Variants in NTM observed in about 807,000 individuals in gnomAD.
NTM encodes the protein neurotrimin.
A neutral mutation model predicts 42.1 loss-of-function variants in NTM; 13 were observed. That is an observed-to-expected ratio of 0.31 (90% confidence interval 0.20 to 0.49). The LOEUF is 0.49. Ranked by LOEUF, NTM falls within the 20% of genes least tolerant of loss-of-function variation. NTM has a pLI of 0.99. For missense variants in NTM, 373 were observed against 452.8 expected, an observed-to-expected ratio of 0.82 and a Z score of 1.60; for synonymous variants, 187 against 179.2, an observed-to-expected ratio of 1.04 and a Z score of -0.35.
intron 4 of NTM, among the ~76,000 whole-genome samples, chr11:132,270,444 G>A (rs2093421742): frequency 6.6e-6 from 1 of 152,004 alleles, no homozygotes; most frequent in Non-Finnish European, 1.5e-5. Flanking sequence ...AGCCAGGCTG[G>A]TCTTGAACTC....
intron 1 of NTM, among the ~76,000 whole-genome samples, chr11:131,665,861 C>T (rs574089619): frequency 1.3e-5 from 2 of 152,182 alleles, no homozygotes; most frequent in South Asian, 2.1e-4. Context: ...CATGTTGATC[C>T]CCAGTTTCCT....
At chr11:131,581,699 C>T (rs771278000) in intron 1 of NTM, among the ~76,000 whole-genome samples, 1 of 152,158 alleles carries the variant, frequency 6.6e-6, no homozygotes, top group South Asian at 2.1e-4. Context: ...ACACAAGTGA[C>T]TCCGTTCTGG....
intron 1 of NTM, among the ~76,000 whole-genome samples, chr11:131,552,817 CAA>C (rs61457986): frequency 3.5e-5 from 5 of 142,150 alleles, no homozygotes; most frequent in African/African-American, 5.2e-5. Flanking sequence ...GACTCCGTCT[CAA>C]AAAAAAAAAA....
intron 4 of NTM, among the ~76,000 whole-genome samples, chr11:132,242,168 A>G (rs1025434154): frequency 1.3e-5 from 2 of 152,214 alleles, no homozygotes; most frequent in Admixed American, 6.5e-5. Context: ...CCTCAGATCA[A>G]CTAGTGGAGC....
intron 1 of NTM, among the ~76,000 whole-genome samples, chr11:131,419,986 T>C (rs1305351120): frequency 1.3e-5 from 2 of 152,132 alleles, no homozygotes. Flanking sequence ...CCTTTGGTTG[T>C]TGGGAGTCAG....
chr11:131,645,151 T>G (rs984715995), intron 1 of NTM, among the ~76,000 whole-genome samples: 1 of 152,158 alleles, frequency 6.6e-6, no homozygotes, highest in Non-Finnish European at 1.5e-5. Flanking sequence ...TCAATAATAT[T>G]ATTAACCATT....
At chr11:132,013,023 T>C (rs918133529) in intron 2 of NTM, among the ~76,000 whole-genome samples, 1 of 152,162 alleles carries the variant, frequency 6.6e-6, no homozygotes, top group African/African-American at 2.4e-5. Context: ...ATTGGAATTG[T>C]TCATGGAGCA....
At chr11:131,795,458 G>A (rs2091449164) in intron 1 of NTM, 13 of 985,394 alleles carry the variant, frequency 1.3e-5, no homozygotes, top group Non-Finnish European at 1.4e-5. Flanking sequence ...TTGATATGCA[G>A]CTTGTGGAAA....
intron 1 of NTM, among the ~76,000 whole-genome samples, chr11:131,401,558 A>G (rs1032186525): frequency 3.3e-5 from 5 of 151,636 alleles, no homozygotes; most frequent in Non-Finnish European, 5.9e-5. Flanking sequence ...AATTTCTGGA[A>G]TTCAGATGTC....
chr11:132,228,425 G>A (rs1268071892), intron 4 of NTM, among the ~76,000 whole-genome samples: 1 of 152,134 alleles, frequency 6.6e-6, no homozygotes, highest in Non-Finnish European at 1.5e-5. Flanking sequence ...TGGCTTCCAG[G>A]TGACTTCCTG....
intron 2 of NTM, among the ~76,000 whole-genome samples, chr11:132,076,033 T>C (rs527433913): frequency 5.5e-4 from 84 of 152,330 alleles, no homozygotes; most frequent in African/African-American, 1.9e-3. Flanking sequence ...ATAGTATTGA[T>C]TACTCCATAC....
At chr11:132,311,390 G>A (rs938280853) in intron 6 of NTM, among the ~76,000 whole-genome samples, 3 of 152,112 alleles carry the variant, frequency 2.0e-5, no homozygotes, top group Non-Finnish European at 2.9e-5. Flanking sequence ...AGCTTCTAGT[G>A]AGATGTATTA....
intron 3 of NTM, among the ~76,000 whole-genome samples, chr11:132,208,832 G>A (rs1592232804): frequency 6.6e-6 from 1 of 152,110 alleles, no homozygotes; most frequent in South Asian, 2.1e-4. Flanking sequence ...TTATTGCATG[G>A]CATTGGCGTG....
intron 1 of NTM, among the ~76,000 whole-genome samples, chr11:131,511,257 AG>A (rs2048200725): frequency 6.6e-6 from 1 of 152,204 alleles, no homozygotes; most frequent in Admixed American, 6.5e-5. Context: ...GCAGAGATTC[AG>A]GAGGAGCCAA....
intron 1 of NTM, among the ~76,000 whole-genome samples, chr11:131,583,671 C>T (rs2058611909): frequency 2.6e-5 from 4 of 152,126 alleles, no homozygotes; most frequent in Admixed American, 2.6e-4. Flanking sequence ...GATGGTGACT[C>T]AAAGGGAGAG....
rs185419601 is a variant in NTM, at chr11:132,309,827, G to A, written c.662-285G>A. Among the ~76,000 whole-genome samples the A allele has an allele frequency of 2.6e-3, 392 of 152,212 alleles. 1 individual carries two copies. The highest frequency in any genetic ancestry group is 9.0e-3 in the African/African-American group (375 of 41,536). ...TCCCAGCCCTTTTGGAGGCTGAGGC[G>A]AGCAGATCACCTGAGGTCAGGAGTT... On this transcript the variant is annotated intron_variant, in intron 5 of 8. Transcript: ENST00000683400.
chr11:132,195,587 TG>T (rs1006164043), intron 3 of NTM, among the ~76,000 whole-genome samples: 28 of 152,036 alleles, frequency 1.8e-4, no homozygotes, highest in African/African-American at 6.8e-4. Flanking sequence ...CAAAACAGCA[TG>T]GTGATGTTAC....
At chr11:131,849,474 C>T (rs1170871296) in intron 1 of NTM, among the ~76,000 whole-genome samples, 1 of 151,976 alleles carries the variant, frequency 6.6e-6, no homozygotes, top group African/African-American at 2.4e-5. Flanking sequence ...AAGTGCCACA[C>T]ACTTTTAAAG....
chr11:131,696,950 C>T (rs986800530), intron 1 of NTM, among the ~76,000 whole-genome samples: 5 of 152,152 alleles, frequency 3.3e-5, no homozygotes, highest in African/African-American at 1.2e-4. Context: ...AGGAATGTCA[C>T]CTTGCCCCTG....
Sources: allele counts gnomAD v4.1 joint callset (sites outside exome capture counted in the v4.1 genomes callset), GRCh38; gene constraint gnomAD v4.1.1; transcripts MANE v1.5; gene names NCBI Gene and HGNC (gene_info 2026-07-23, HGNC 2026-07-21).